IPO5: variants seen among roughly 807,000 people sequenced by gnomAD.
The protein encoded by IPO5 is importin 5, also known as importin-5.
IPO5 carries 18 observed loss-of-function variants against 143.3 expected under a neutral mutation model. The observed-to-expected ratio is 0.13, with a 90% CI of 0.09 to 0.19. IPO5 has a LOEUF of 0.19. IPO5 is among the 10% of genes least tolerant of loss of function. The pLI is 1.00. For synonymous variants in IPO5, 477 were observed against 465.7 expected (o/e 1.02, Z -0.31); for missense variants, 1,013 against 1,336.9 (o/e 0.76, Z 3.78).
chr13:97,961,378 C>T (rs547566027), intron 2 of IPO5, among the ~76,000 whole-genome samples: 1 of 152,346 alleles, frequency 6.6e-6, no homozygotes, highest in Non-Finnish European at 1.5e-5. Flanking sequence ...GTAACTCAGG[C>T]TGGAGTGCAA....
chr13:97,997,690 C>A, intron 12 of IPO5, 72 bp downstream of exon 12: 1 of 780,030 alleles, frequency 1.3e-6, no homozygotes, highest in Non-Finnish European at 2.0e-6. Flanking sequence ...CACTATTGCA[C>A]CCTGTAACCT....
At chr13:98,012,198 T>G in intron 20 of IPO5, 48 bp from the exon 21 acceptor site, 1 of 1,116,188 alleles carries the variant, frequency 9.0e-7, no homozygotes, top group Non-Finnish European at 1.4e-6. Context: ...ATATTAATGC[T>G]TGAAGACTAA....
At chr13:97,980,018 C>T (rs1165061902) in intron 4 of IPO5, 1 of 451,760 alleles carries the variant, frequency 2.2e-6, no homozygotes, top group Admixed American at 2.4e-5. Flanking sequence ...AGGGAAGAGG[C>T]GGAGGAGAAG....
chr13:98,009,087 A>ACGAGGCGTGTTGCTCAC (rs1176799139), intron 18 of IPO5, among the ~76,000 whole-genome samples: 1 of 152,200 alleles, frequency 6.6e-6, no homozygotes, highest in East Asian at 1.9e-4. Flanking sequence ...GGTGGTAAGG[A>ACGAGGCGTGTTGCTCAC]CGAGGCGTGT....
intron 9 of IPO5, among the ~76,000 whole-genome samples, chr13:97,991,143 A>G (rs1439698928): frequency 1.3e-5 from 2 of 152,146 alleles, no homozygotes; most frequent in African/African-American, 2.4e-5. Flanking sequence ...TTTTATGGCA[A>G]TCTTTTAGTA....
Position 98,021,300 on chromosome 13 carries a change from C to T in IPO5, c.3207+167C>T, listed in dbSNP as rs538588630. ...TGGATTATACTTAATGTAATCCATCCGTATGTACTTATTATTTATTAGAAT... is the reference window on the plus strand; with the variant it reads ...TGGATTATACTTAATGTAATCCATCTGTATGTACTTATTATTTATTAGAAT... On this transcript the variant is annotated intron_variant, in intron 28 of 28. Coordinates refer to ENST00000651721, the MANE Select transcript of IPO5 (RefSeq NM_002271.6). The T allele has an allele frequency of 3.2e-4, 159 of 492,038 alleles. 2 individuals are homozygous for T. The South Asian group carries it at 7.2e-3, about 22-fold the overall frequency. 30.5% of individuals were successfully genotyped at this position (492,038 alleles called of 1,614,324 possible). A position where few individuals can be genotyped will look rare whatever the true frequency, so the allele number is the denominator to read the frequency against.
chr13:97,966,776 C>T (rs750577002), intron 2 of IPO5, among the ~76,000 whole-genome samples: 8 of 152,126 alleles, frequency 5.3e-5, no homozygotes, highest in Admixed American at 4.6e-4. Flanking sequence ...CAGTGGCTCA[C>T]GCCTGTAGTC....
At chr13:97,987,821 A>T (rs1490350112) in intron 6 of IPO5, among the ~76,000 whole-genome samples, 1 of 152,218 alleles carries the variant, frequency 6.6e-6, no homozygotes, top group Non-Finnish European at 1.5e-5. Flanking sequence ...GAATATTTTT[A>T]AATTGTTTAG....
At chr13:97,975,330 A>G (rs1886182321) in intron 3 of IPO5, among the ~76,000 whole-genome samples, 1 of 152,124 alleles carries the variant, frequency 6.6e-6, no homozygotes, top group Admixed American at 6.5e-5. Context: ...TTCTACTAAA[A>G]ATACAAAAAA....
At chr13:97,974,192 C>T (rs975072398) in intron 3 of IPO5, among the ~76,000 whole-genome samples, 1 of 152,136 alleles carries the variant, frequency 6.6e-6, no homozygotes, top group Admixed American at 6.5e-5. Context: ...AAACACATAT[C>T]GCAACAGGTG....
chr13:97,995,961 T>C (rs1228006530), intron 11 of IPO5, among the ~76,000 whole-genome samples: 1 of 152,210 alleles, frequency 6.6e-6, no homozygotes, highest in Admixed American at 6.5e-5. Context: ...AACAATTTTT[T>C]GACCAATCAG....
At chr13:98,003,101 A>G in intron 16 of IPO5, 64 bp downstream of exon 16, 16 of 1,248,388 alleles carry the variant, frequency 1.3e-5, no homozygotes, top group Non-Finnish European at 1.8e-5. Context: ...TTTGATGGGT[A>G]AGAACTGGAG....
In IPO5 at chr13:98,021,132, A is replaced by G; in HGVS notation, c.3206A>G (p.Gln1069Arg). The G allele has an allele frequency of 2.5e-6, 4 of 1,593,442 alleles. No homozygotes were observed. The highest frequency in any genetic ancestry group is 2.3e-5 in the East Asian group (1 of 43,276). ...KRLANVVRQV[Q>R]TSGGLWTECI... is the part of the protein sequence containing the mutation. ...CTGGCCAATGTCGTTCGCCAAGTAC[A>G]GGTAAGCTGATTTGGTTGAATTGGG... The change falls in exon 28 of 29, where the codon CAG becomes CGG. Residue 1069 changes from glutamine (Q) to arginine (R), a missense_variant and splice_region_variant. By Grantham distance (43) the Gln-to-Arg change is conservative. Around this residue, in one of 2 missense-constraint regions of IPO5, gnomAD observed 685 missense variants for 994.9 expected, o/e 0.69. Coordinates refer to ENST00000651721, the MANE Select transcript of IPO5 (RefSeq NM_002271.6).
In IPO5 at chr13:98,016,710, A is replaced by G. The variant is rs368346200; in HGVS notation, c.2494-19A>G. On this transcript the variant is annotated intron_variant, in intron 24 of 28. Transcript: ENST00000651721. Reference sequence around the variant, plus strand: ...TACTTTTTAATCCATATGAGTGTTTATGTGTATGTTTTTTTTAGGATGATA... The same window carrying G: ...TACTTTTTAATCCATATGAGTGTTTGTGTGTATGTTTTTTTTAGGATGATA... 12 of 1,305,044 alleles carry G rather than the reference A, an allele frequency of 9.2e-6. No individual in the cohort carries two copies. In the South Asian group the frequency reaches 1.3e-4, roughly 15 times the overall value. 80.8% of individuals were successfully genotyped at this position (1,305,044 alleles called of 1,614,324 possible).
chr13:97,993,794 T>C (rs1386043472), intron 11 of IPO5, among the ~76,000 whole-genome samples: 1 of 152,154 alleles, frequency 6.6e-6, no homozygotes, highest in Non-Finnish European at 1.5e-5. Context: ...CATTTCTTAA[T>C]GAGCTAATGA....
chr13:97,990,264 T>A, intron 8 of IPO5, 42 bp downstream of exon 8: 1 of 1,415,468 alleles, frequency 7.1e-7, no homozygotes, highest in Non-Finnish European at 9.9e-7. Flanking sequence ...TCTATTTTAA[T>A]CTAATTTGCG....
Position 97,993,038 on chromosome 13 carries a change from G to A in IPO5, c.792+24G>A, listed in dbSNP as rs773731519. 6.0e-5 allele frequency: 97 copies of A among 1,611,386 alleles called. 2 individuals carry two copies. In the East Asian group the frequency reaches 1.9e-3, roughly 32 times the overall value. ...AGGTAAATTAAGTACGTTAGTAAAC[G>A]TTCTGTTTGTTATTTTCAGGGACTA... On this transcript the variant is annotated intron_variant, in intron 10 of 28. Coordinates refer to ENST00000651721, the MANE Select transcript of IPO5 (RefSeq NM_002271.6).
At chr13:98,016,207 T>A (rs1298508958) in intron 24 of IPO5, among the ~76,000 whole-genome samples, 1 of 152,176 alleles carries the variant, frequency 6.6e-6, no homozygotes, top group Non-Finnish European at 1.5e-5. Context: ...CTGTCAAGCA[T>A]ACTTCATTGT....
chr13:98,005,411 T>C (rs941214158), intron 16 of IPO5, among the ~76,000 whole-genome samples: 13 of 149,996 alleles, frequency 8.7e-5, no homozygotes, highest in African/African-American at 3.2e-4. Context: ...ATTTATTTAG[T>C]AGAGACAGGG....
Sources: gnomAD v4.1 joint callset for allele counts (sites outside exome capture counted in the v4.1 genomes callset) on GRCh38, gnomAD v4.1.1 for gene constraint, gnomAD v4.1.1 regional missense constraint, MANE v1.5 for transcripts, NCBI Gene and HGNC (gene_info 2026-07-23, HGNC 2026-07-21) for gene names.